RNF111: variants seen among roughly 807,000 people sequenced by gnomAD.
RNF111 encodes E3 ubiquitin-protein ligase Arkadia.
Under a neutral mutation model 95.1 loss-of-function variants are expected in RNF111, and 17 were observed. The observed-to-expected ratio is 0.18, with a 90% CI of 0.12 to 0.27. The LOEUF is 0.27. Among genes scored for constraint, RNF111 ranks in the 10% least tolerant of loss-of-function variants. The pLI is 1.00. For missense variants in RNF111, 1,189 were observed against 1,210.4 expected, an observed-to-expected ratio of 0.98 and a Z score of 0.26; for synonymous variants, 440 against 414.8, an observed-to-expected ratio of 1.06 and a Z score of -0.74.
At chr15:58,990,933 G>A (rs899539135) in intron 1 of RNF111, among the ~76,000 whole-genome samples, 4 of 152,000 alleles carry the variant, frequency 2.6e-5, no homozygotes, top group African/African-American at 4.8e-5. Flanking sequence ...GTAACAGCTG[G>A]CCCAGGTTTC....
intron 5 of RNF111, among the ~76,000 whole-genome samples, chr15:59,066,393 C>A (rs1403898390): frequency 1.3e-5 from 2 of 152,108 alleles, no homozygotes; most frequent in African/African-American, 4.8e-5. Context: ...GGCAGATCAC[C>A]TGAGGTTGGG....
chr15:59,031,680 A>G lies in RNF111; in HGVS notation c.858A>G (p.Gln286=), dbSNP rs777858149. The change falls in exon 2 of 14, where the codon CAA becomes CAG. Residue 286 remains glutamine, a synonymous_variant. Coordinates refer to ENST00000348370, the MANE Select transcript of RNF111 (RefSeq NM_017610.8). The part of the protein sequence containing the change: ...DLFVSASENH[Q]NNPAVPSGSI... ...TTGTTTCTGCCAGTGAAAACCACCA[A>G]AACAATCCAGCTGTTCCCTCAGGTA... 4 of 1,613,944 alleles carry G rather than the reference A, an allele frequency of 2.5e-6. No homozygotes were observed. The South Asian group carries it at 3.3e-5, about 13-fold the overall frequency.
At chr15:59,049,873 C>A (rs1378833300) in intron 2 of RNF111, 1 of 148,584 alleles carries the variant, frequency 6.7e-6, no homozygotes, top group African/African-American at 2.5e-5. Context: ...TCCTGAGTAG[C>A]TGGGATTACA....
At chr15:59,093,681 T>C (rs1188243168) in intron 13 of RNF111, among the ~76,000 whole-genome samples, 2 of 152,202 alleles carry the variant, frequency 1.3e-5, no homozygotes, top group Non-Finnish European at 2.9e-5. Flanking sequence ...TGTTCTTTTT[T>C]TTAATGTTAA....
chr15:59,087,959 C>T (rs549220670), intron 10 of RNF111, among the ~76,000 whole-genome samples: 12 of 152,080 alleles, frequency 7.9e-5, no homozygotes, highest in African/African-American at 1.9e-4. Flanking sequence ...TCTTAGATTA[C>T]GTACGGTAAG....
At chr15:59,005,313 CCAGCCTCTAGAA>C (rs75124109) in intron 1 of RNF111, among the ~76,000 whole-genome samples, 10,253 of 152,242 alleles carry the variant, frequency 0.067, 496 homozygotes, top group Admixed American at 0.18. Context: ...GCCACTGCAC[CCAGCCTCTAGAA>C]CATAGGCTTT....
Position 59,061,343 on chromosome 15 carries a change from A to G in RNF111, c.1366+2793A>G, listed in dbSNP as rs551839923. 2.6e-5 allele frequency among the ~76,000 whole-genome samples: 4 copies of G among 152,152 alleles called. No individual in the cohort carries two copies. In the East Asian group the frequency reaches 7.7e-4, roughly 29 times the overall value. On this transcript the variant is annotated intron_variant, in intron 5 of 13. Coordinates refer to ENST00000348370, the MANE Select transcript of RNF111 (RefSeq NM_017610.8). The stretch of plus-strand genomic sequence containing the variant: ...TCTTGTACCTTTTTGAATATTTCCA[A>G]CCCTCACATTCAAGCCATCTAGCTT...
chr15:59,084,243 G>A lies in RNF111; in HGVS notation c.2412G>A (p.Glu804=), dbSNP rs370937564. Residue 804 remains glutamate, a synonymous_variant, in exon 9 of 14, where the codon GAG becomes GAA. Coordinates refer to ENST00000348370, the MANE Select transcript of RNF111 (RefSeq NM_017610.8). ...TMSSHPRQAP[E]RSAWELGIEA... ...CCTCACATCCTCGACAGGCTCCAGA[G>A]AGGTCTGCCTGGTCAGTATCTTCTT... is the stretch of plus-strand genomic sequence containing the variant. 3 of 1,588,856 alleles carry A rather than the reference G, an allele frequency of 1.9e-6. No homozygotes were observed. The African/African-American group carries it at 4.1e-5, about 22-fold the overall frequency.
intron 1 of RNF111, among the ~76,000 whole-genome samples, chr15:59,003,096 G>T (rs1178517835): frequency 2.0e-5 from 3 of 152,142 alleles, no homozygotes; most frequent in African/African-American, 7.2e-5. Context: ...GGCCTCAAGT[G>T]ATCCTACTGC....
At chr15:59,076,464 G>A (rs1481098511) in intron 7 of RNF111, among the ~76,000 whole-genome samples, 2 of 152,166 alleles carry the variant, frequency 1.3e-5, no homozygotes, top group African/African-American at 2.4e-5. Context: ...TCTAGGCACA[G>A]TAAAGTAAAT....
Position 59,076,010 on chromosome 15 carries a change from T to A in RNF111, c.1743T>A (p.Ser581Arg). 6.2e-7 allele frequency: 1 copy of A among 1,614,162 alleles called. No individual in the cohort carries two copies. The highest frequency in any genetic ancestry group is 8.5e-7 in the Non-Finnish European group (1 of 1,180,026). Reference sequence around the variant, plus strand: ...GTATCAGAAGTCATGGAAGTGGCAGTTTTCATGGAGCATCTGCATTTGACC... The same window carrying A: ...GTATCAGAAGTCATGGAAGTGGCAGATTTCATGGAGCATCTGCATTTGACC... ...NSGIRSHGSGSFHGASAFDPC... is the reference protein window; with the variant it reads ...NSGIRSHGSGRFHGASAFDPC... The change falls in exon 7 of 14, where the codon AGT becomes AGA. Residue 581 changes from serine (S) to arginine (R), a missense_variant. Transcript: ENST00000348370.
In RNF111 at chr15:59,067,000, C is replaced by T; in HGVS notation, c.1603C>T (p.Pro535Ser). ...CCCAGTTTCTCCTTCCTTTAGTGAT[C>T]CTGCTTGCCCTGTGGAAAGACCTCC... ...AVPVSPSFSD[P>S]ACPVERPPQV... is the part of the protein sequence containing the mutation. The change falls in exon 6 of 14, where the codon CCT becomes TCT. Residue 535 changes from proline to serine, a missense_variant. Coordinates refer to ENST00000348370, the MANE Select transcript of RNF111 (RefSeq NM_017610.8). 1 of 1,614,144 alleles carries T rather than the reference C, an allele frequency of 6.2e-7. No individual in the cohort carries two copies. The highest frequency in any genetic ancestry group is 8.5e-7 in the Non-Finnish European group (1 of 1,180,032).
At chr15:59,040,722 C>CTAATACAGTAATTCTAAT (rs1310961005) in intron 2 of RNF111, among the ~76,000 whole-genome samples, 1 of 152,166 alleles carries the variant, frequency 6.6e-6, no homozygotes, top group Non-Finnish European at 1.5e-5. Flanking sequence ...TTGCACTAAC[C>CTAATACAGTAATTCTAAT]TAATACAGTA....
At chr15:59,046,745 T>C (rs558414025) in intron 2 of RNF111, among the ~76,000 whole-genome samples, 1 of 152,280 alleles carries the variant, frequency 6.6e-6, no homozygotes, top group South Asian at 2.1e-4. Flanking sequence ...TTAGAGACTT[T>C]CGTGCTTCAA....
chr15:59,023,000 A>G (rs1043418080), intron 1 of RNF111, among the ~76,000 whole-genome samples: 3 of 152,216 alleles, frequency 2.0e-5, no homozygotes, highest in Non-Finnish European at 4.4e-5. Flanking sequence ...TAATCCCAGC[A>G]CTTTGGGAGG....
chr15:59,074,849 G>T (rs920465032), intron 6 of RNF111, among the ~76,000 whole-genome samples: 1 of 152,028 alleles, frequency 6.6e-6, no homozygotes, highest in Non-Finnish European at 1.5e-5. Context: ...ATCATTTCTC[G>T]GTTTTGGTTT....
intron 2 of RNF111, among the ~76,000 whole-genome samples, chr15:59,045,846 T>C (rs1742010280): frequency 6.6e-6 from 1 of 152,200 alleles, no homozygotes; most frequent in Non-Finnish European, 1.5e-5. Context: ...GAAGCAAGAG[T>C]TGGAAAATAA....
chr15:59,005,289 G>T (rs2039491089), intron 1 of RNF111, among the ~76,000 whole-genome samples: 1 of 152,164 alleles, frequency 6.6e-6, no homozygotes, highest in Admixed American at 6.5e-5. Flanking sequence ...GAAGTGCTGG[G>T]ATTACAGGCA....
chr15:59,026,022 G>T (rs1165306517), intron 1 of RNF111, among the ~76,000 whole-genome samples: 1 of 151,116 alleles, frequency 6.6e-6, no homozygotes, highest in Non-Finnish European at 1.5e-5. Context: ...GAGCCACTGT[G>T]CCCGGCCGGC....
Sources: gnomAD v4.1 joint callset for allele counts (sites outside exome capture counted in the v4.1 genomes callset) on GRCh38, gnomAD v4.1.1 for gene constraint, MANE v1.5 for transcripts, NCBI Gene and HGNC (gene_info 2026-07-23, HGNC 2026-07-21) for gene names.